ERMARD: variants seen among roughly 807,000 people sequenced by gnomAD.
ERMARD encodes ER membrane associated RNA degradation, also known as endoplasmic reticulum membrane-associated RNA degradation protein.
ERMARD carries 71 observed loss-of-function variants against 83.9 expected under a neutral mutation model. That is an observed-to-expected ratio of 0.85 (90% CI 0.70 to 1.03). The LOEUF is 1.03. Among genes scored for constraint, ERMARD ranks in the 50% least tolerant of loss-of-function variants. The probability of loss-of-function intolerance (pLI) is 0.00; values close to 1 mark genes in which losing one functional copy is unlikely to be tolerated. For synonymous variants in ERMARD, 284 were observed against 298.6 expected, an observed-to-expected ratio of 0.95 and a Z score of 0.50; for missense variants, 838 against 810.9, an observed-to-expected ratio of 1.03 and a Z score of -0.41.
At chr6:169,772,699 G>A (rs1414075408) in intron 12 of ERMARD, among the ~76,000 whole-genome samples, 1 of 151,346 alleles carries the variant, frequency 6.6e-6, no homozygotes, top group Non-Finnish European at 1.5e-5. Flanking sequence ...GAACCTGGGA[G>A]GCAGAGGTTG....
At position 169,781,335 on chromosome 6, in the gene ERMARD, T is replaced by C; in HGVS notation, c.1859T>C (p.Val620Ala). The change falls in exon 18 of 18, where the codon GTA becomes GCA. Residue 620 changes from valine to alanine, a missense_variant. Transcript: ENST00000366773. The stretch of plus-strand genomic sequence containing the variant: ...AATTAATTTTTTTTTTACAGGTTTG[T>C]AAAGTCGATCTTGCAGTACACGGAG... ...AHEYQQYLKF[V>A]KSILQYTENL... is the part of the protein sequence containing the mutation. The C allele has an allele frequency of 1.3e-6, 2 of 1,597,906 alleles. No homozygotes were observed. The highest frequency in any genetic ancestry group is 1.7e-6 in the Non-Finnish European group (2 of 1,176,202).
intron 12 of ERMARD, chr6:169,771,177 G>T (rs553613439): frequency 6.6e-6 from 1 of 150,884 alleles, no homozygotes; most frequent in Non-Finnish European, 1.5e-5. Context: ...TCTGCCTCCC[G>T]AGTTCAAGCA....
At chr6:169,770,118 GTTA>G (rs138758199) in intron 12 of ERMARD, among the ~76,000 whole-genome samples, 42,485 of 151,766 alleles carry the variant, frequency 0.28, 6,901 homozygotes, top group East Asian at 0.65. Context: ...TAGAACATTT[GTTA>G]TTTATATTTT....
intron 15 of ERMARD, 131 bp downstream of exon 15, chr6:169,776,196 A>G: frequency 6.6e-7 from 1 of 1,520,354 alleles, no homozygotes; most frequent in Non-Finnish European, 8.9e-7. Context: ...TTACTGCTCC[A>G]GGAGGAATTA....
intron 5 of ERMARD, 66 bp from the exon 6 acceptor site, chr6:169,758,902 T>A: frequency 7.1e-7 from 1 of 1,400,030 alleles, no homozygotes. Context: ...ACAAATGTTA[T>A]CTTCATACTA....
intron 13 of ERMARD, 109 bp from the exon 14 acceptor site, chr6:169,775,161 T>C (rs1793433083): frequency 1.7e-6 from 2 of 1,150,534 alleles, no homozygotes; most frequent in South Asian, 3.0e-5. Context: ...TGTTTAGAAT[T>C]TGTAATAATT....
chr6:169,751,440 C>T, upstream of ERMARD: 2 of 1,614,070 alleles, frequency 1.2e-6, no homozygotes, highest in Non-Finnish European at 1.7e-6. Context: ...GACTTCACGC[C>T]TCGGCCTCGC....
In ERMARD at chr6:169,772,563, C is replaced by T. The variant is rs185257303; in HGVS notation, c.1234-756C>T. Among the ~76,000 whole-genome samples, 27 of 151,954 alleles carry T rather than the reference C, an allele frequency of 1.8e-4. No homozygotes were observed. The East Asian group carries it at 4.5e-3, about 25-fold the overall frequency. ...GATGGGTCACCTGAGGTCAGGAGTT[C>T]GAGACCAGCATGGCCAAACATGGTG... On this transcript the variant is annotated intron_variant, in intron 12 of 17. Transcript: ENST00000366773.
Position 169,759,880 on chromosome 6 carries a change from G to C in ERMARD, c.648G>C (p.Gln216His). ...TACTGTTGACGGCAGGATTGGGTCAGTTACTGAAGAGTTACCTTCAAAACA... is the reference window on the plus strand; with the variant it reads ...TACTGTTGACGGCAGGATTGGGTCACTTACTGAAGAGTTACCTTCAAAACA... Reference protein sequence around the residue: ...MMILLTAGLGQLLKSYLQNTK... With the variant: ...MMILLTAGLGHLLKSYLQNTK... Residue 216 changes from glutamine (Q) to histidine (H), a missense_variant, in exon 7 of 18, where the codon CAG becomes CAC. Transcript: ENST00000366773. 1 of 1,614,196 alleles carries C rather than the reference G, an allele frequency of 6.2e-7. No individual in the cohort carries two copies.
At chr6:169,774,102 G>A (rs894166057) in intron 13 of ERMARD, among the ~76,000 whole-genome samples, 3 of 152,302 alleles carry the variant, frequency 2.0e-5, no homozygotes, top group South Asian at 2.1e-4. Context: ...TTGGGAGGCC[G>A]AGGCGGGCGG....
intron 9 of ERMARD, among the ~76,000 whole-genome samples, chr6:169,764,753 G>A (rs776942499): frequency 3.3e-5 from 5 of 152,130 alleles, no homozygotes; most frequent in Admixed American, 2.0e-4. Flanking sequence ...ATACCTCAGT[G>A]AAATTTAGGC....
At chr6:169,756,596 C>A in intron 4 of ERMARD, 123 bp from the exon 5 acceptor site, 1 of 963,254 alleles carries the variant, frequency 1.0e-6, no homozygotes, top group South Asian at 1.6e-5. Context: ...ATTATGAAAT[C>A]AAAGGATTGG....
chr6:169,764,356 C>T (rs202003204), intron 9 of ERMARD, among the ~76,000 whole-genome samples: 6 of 151,640 alleles, frequency 4.0e-5, no homozygotes, highest in Non-Finnish European at 7.4e-5. Flanking sequence ...CCTCAATCCC[C>T]GGGCTCAAGC....
chr6:169,776,056 C>T lies in ERMARD; in HGVS notation c.1511C>T (p.Pro504Leu). Residue 504 changes from proline (P) to leucine (L), a missense_variant, in exon 15 of 18, where the codon CCT becomes CTT. Transcript: ENST00000366773. ...GTGTTAAAGGACTTGGATCGTCTTC[C>T]TACTGAGACGTAAGTTCCAGGACAT... ...RCVLKDLDRL[P>L]TETWPQLLRE... 1 of 1,613,716 alleles carries T rather than the reference C, an allele frequency of 6.2e-7. No homozygotes were observed. The highest frequency in any genetic ancestry group is 8.5e-7 in the Non-Finnish European group (1 of 1,179,892).
rs778808394 is a variant in ERMARD at position 169,775,316 on chromosome 6, TC to T, written c.1368del (p.Glu457LysfsTer10). 1 of 1,614,160 alleles carries T rather than the reference TC, an allele frequency of 6.2e-7. No homozygotes were observed. The highest frequency in any genetic ancestry group is 1.1e-5 in the South Asian group (1 of 91,068). On this transcript the variant is annotated frameshift_variant, in exon 14 of 18. Transcript: ENST00000366773. LOFTEE classifies it high-confidence loss of function. The stretch of plus-strand genomic sequence containing the variant: ...ATCAGGGTTTGGGCTCTGCTGCCTT[TC>T]CCCGAAGAACTCACTCGGCAAGCCG... The part of the protein sequence containing the change: ...ESIRVWALLP[F>X]PEELTRQAVR...
At chr6:169,756,664 T>G in intron 4 of ERMARD, 55 bp from the exon 5 acceptor site, 1 of 1,465,738 alleles carries the variant, frequency 6.8e-7, no homozygotes, top group Non-Finnish European at 9.5e-7. Context: ...GATAATGTTT[T>G]TAATGTTTAT....
At chr6:169,752,961 C>T (rs1790330751) in intron 1 of ERMARD, 1 of 152,208 alleles carries the variant, frequency 6.6e-6, no homozygotes, top group African/African-American at 2.4e-5. Context: ...GAGTACACAT[C>T]ACAAGGGATA....
chr6:169,751,501 C>T (rs1371020823), upstream of ERMARD: 4 of 1,611,148 alleles, frequency 2.5e-6, no homozygotes, highest in Non-Finnish European at 2.5e-6. Context: ...CCCTTCACCG[C>T]CGGCGGTCAA....
In ERMARD at chr6:169,773,278, C is replaced by T. The variant is rs368395607; in HGVS notation, c.1234-41C>T. ...AGTTCAATAGAAGAAAGCTAAAAGC[C>T]CACCCAAACATGATAGTAACCACTG... On this transcript the variant is annotated intron_variant, in intron 12 of 17. Transcript: ENST00000366773. 3.2e-6 allele frequency: 5 copies of T among 1,577,118 alleles called. No homozygotes were observed. The African/African-American group carries it at 6.8e-5, about 21-fold the overall frequency.
Sources: allele counts gnomAD v4.1 joint callset (sites outside exome capture counted in the v4.1 genomes callset), GRCh38; gene constraint gnomAD v4.1.1; transcripts MANE v1.5; gene names NCBI Gene and HGNC (gene_info 2026-07-23, HGNC 2026-07-21).